PALLD: variants seen among roughly 807,000 people sequenced by gnomAD.
PALLD encodes the protein palladin, cytoskeletal associated protein.
PALLD carries 61 observed loss-of-function variants against 123.5 expected under a neutral mutation model. The observed-to-expected ratio is 0.49, with a 90% CI of 0.40 to 0.61. The LOEUF (loss-of-function observed/expected upper bound fraction) is 0.61. Ranked by LOEUF, PALLD falls within the 20% of genes least tolerant of loss-of-function variation. The probability of loss-of-function intolerance (pLI) is 0.00; values close to 1 mark genes in which losing one functional copy is unlikely to be tolerated. For missense variants in PALLD, 1,273 were observed against 1,377.0 expected (o/e 0.92, Z 1.20); for synonymous variants, 465 against 496.4 (o/e 0.94, Z 0.84).
Position 168,711,572 on chromosome 4 carries a change from C to T in PALLD, c.1622-9C>T, listed in dbSNP as rs774816398. The T allele has an allele frequency of 3.7e-6, 6 of 1,602,960 alleles. No individual in the cohort carries two copies. Among genetic ancestry groups the T allele is most frequent in the Non-Finnish European group, 5.1e-6 (6 of 1,169,844 alleles). ...TTCTTATGTTTTTCCTCTCTTTCCC[C>T]TTCCTTAGCCAACACTGAAAACTGT... On this transcript the variant is annotated splice_polypyrimidine_tract_variant and intron_variant, in intron 9 of 21. Transcript: ENST00000505667.
chr4:168,681,539 AAT>A, intron 4 of PALLD, 141 bp downstream of exon 4: 2 of 454,246 alleles, frequency 4.4e-6, no homozygotes, highest in Non-Finnish European at 7.6e-6. Context: ...GTTGGAACAC[AAT>A]TTTTTTTTTT....
At chr4:168,882,084 C>T (rs1752685203) in intron 10 of PALLD, among the ~76,000 whole-genome samples, 1 of 152,240 alleles carries the variant, frequency 6.6e-6, no homozygotes, top group Non-Finnish European at 1.5e-5. Flanking sequence ...ATAAGCAGGG[C>T]TTTGGTTTGA....
intron 10 of PALLD, among the ~76,000 whole-genome samples, chr4:168,715,102 A>G (rs1156856026): frequency 6.6e-6 from 1 of 151,842 alleles, no homozygotes; most frequent in East Asian, 1.9e-4. Flanking sequence ...GGTCCAGTCT[A>G]TGATACCTCT....
At chr4:168,769,729 A>C (rs541059318) in intron 10 of PALLD, among the ~76,000 whole-genome samples, 6 of 152,280 alleles carry the variant, frequency 3.9e-5, no homozygotes, top group Admixed American at 3.9e-4. Flanking sequence ...CAGAAATCTC[A>C]AGGAGAGCAG....
At chr4:168,922,096 T>TACACAC (rs1464630467) in intron 18 of PALLD, among the ~76,000 whole-genome samples, 18 of 104,890 alleles carry the variant, frequency 1.7e-4, no homozygotes, top group African/African-American at 5.8e-4. Flanking sequence ...TATATATATA[T>TACACAC]ATATATACAC....
chr4:168,860,432 A>G (rs2151025109), intron 10 of PALLD, among the ~76,000 whole-genome samples: 1 of 152,338 alleles, frequency 6.6e-6, no homozygotes, highest in African/African-American at 2.4e-5. Context: ...AAAACAAGAT[A>G]GTAAAAGAGA....
intron 3 of PALLD, among the ~76,000 whole-genome samples, chr4:168,675,714 AT>A (rs1780764357): frequency 6.6e-6 from 1 of 152,136 alleles, no homozygotes; most frequent in South Asian, 2.1e-4. Flanking sequence ...TAAATACCAT[AT>A]TTTTATTTTT....
chr4:168,726,521 G>A (rs2150288342), intron 10 of PALLD, among the ~76,000 whole-genome samples: 2 of 152,104 alleles, frequency 1.3e-5, no homozygotes, highest in African/African-American at 4.8e-5. Flanking sequence ...CTGAGACAAG[G>A]TCTCACTCTG....
chr4:168,668,076 A>G (rs1779828638), intron 2 of PALLD, 114 bp from the exon 3 acceptor site: 1 of 815,504 alleles, frequency 1.2e-6, no homozygotes, highest in African/African-American at 1.7e-5. Flanking sequence ...TTTTTTTTTT[A>G]ATCAAACAAA....
At chr4:168,805,816 A>G (rs1316373592) in intron 10 of PALLD, among the ~76,000 whole-genome samples, 2 of 152,232 alleles carry the variant, frequency 1.3e-5, no homozygotes, top group Non-Finnish European at 2.9e-5. Context: ...TCTTAAAGGC[A>G]GGGATTTTAT....
At chr4:168,871,646 C>T (rs1751092256) in intron 10 of PALLD, among the ~76,000 whole-genome samples, 1 of 152,190 alleles carries the variant, frequency 6.6e-6, no homozygotes, top group South Asian at 2.1e-4. Flanking sequence ...GCTGTTTTCA[C>T]TGGCCTTCGC....
chr4:168,839,611 C>T (rs145247951), intron 10 of PALLD, among the ~76,000 whole-genome samples: 2,835 of 137,012 alleles, frequency 0.021, 45 homozygotes, highest in Middle Eastern at 0.033. Context: ...GGGTAAGGGA[C>T]GGGGGTGCAT....
intron 2 of PALLD, among the ~76,000 whole-genome samples, chr4:168,529,602 G>A (rs1301351034): frequency 2.6e-5 from 4 of 152,060 alleles, no homozygotes; most frequent in East Asian, 1.9e-4. Flanking sequence ...TAAAACCTAA[G>A]AACAATCGTT....
At chr4:168,654,971 A>G (rs116099252) in intron 2 of PALLD, among the ~76,000 whole-genome samples, 1,392 of 127,924 alleles carry the variant, frequency 0.011, 17 homozygotes, top group African/African-American at 0.038. Context: ...CCAGGCATAT[A>G]TGTATATGGC....
intron 10 of PALLD, chr4:168,829,212 A>G (rs1339022438): frequency 6.6e-6 from 1 of 152,256 alleles, no homozygotes; most frequent in African/African-American, 2.4e-5. Context: ...TTAAATCTTC[A>G]TGGATTTCGG....
chr4:168,667,065 A>G (rs1456052334), intron 2 of PALLD, among the ~76,000 whole-genome samples: 2 of 152,188 alleles, frequency 1.3e-5, no homozygotes, highest in Non-Finnish European at 2.9e-5. Flanking sequence ...TGGGAATCAC[A>G]TATTTACTGT....
At chr4:168,906,940 C>T (rs1229128698) in intron 15 of PALLD, among the ~76,000 whole-genome samples, 1 of 152,128 alleles carries the variant, frequency 6.6e-6, no homozygotes, top group Non-Finnish European at 1.5e-5. Flanking sequence ...TAGGGCAACA[C>T]CGATGATACT....
At chr4:168,811,768 T>TCACACACACA (rs1201722924) in intron 10 of PALLD, among the ~76,000 whole-genome samples, 81 of 109,928 alleles carry the variant, frequency 7.4e-4, no homozygotes, top group African/African-American at 2.6e-3. Flanking sequence ...TCTCTCTCTC[T>TCACACACACA]CTCTCTCTCA....
intron 15 of PALLD, among the ~76,000 whole-genome samples, chr4:168,911,083 G>C (rs1240202110): frequency 2.6e-5 from 4 of 152,150 alleles, no homozygotes; most frequent in Non-Finnish European, 5.9e-5. Flanking sequence ...ATTTATGAGA[G>C]CATTTAGGTT....
Sources: allele counts gnomAD v4.1 joint callset (sites outside exome capture counted in the v4.1 genomes callset), GRCh38; gene constraint gnomAD v4.1.1; transcripts MANE v1.5; gene names NCBI Gene and HGNC (gene_info 2026-07-23, HGNC 2026-07-21).